Variants in SGCD observed in about 807,000 individuals in gnomAD.
SGCD encodes delta-sarcoglycan.
A neutral mutation model predicts 36.6 loss-of-function variants in SGCD; 18 were observed. The observed-to-expected ratio is 0.49, with a 90% CI of 0.34 to 0.73. The LOEUF is 0.73. SGCD is among the 30% of genes least tolerant of loss of function. SGCD has a pLI of 0.01. For missense variants in SGCD, 387 were observed against 346.7 expected, an observed-to-expected ratio of 1.12 and a Z score of -0.92; for synonymous variants, 133 against 130.6, an observed-to-expected ratio of 1.02 and a Z score of -0.12.
At chr5:156,070,218 A>G (rs2127587233) in intron 1 of SGCD, among the ~76,000 whole-genome samples, 1 of 151,396 alleles carries the variant, frequency 6.6e-6, no homozygotes, top group Admixed American at 6.5e-5. Context: ...CAGTTTTCAA[A>G]GGGAACGCTT....
chr5:156,544,270 A>G (rs968515125), intron 4 of SGCD, among the ~76,000 whole-genome samples: 2 of 152,208 alleles, frequency 1.3e-5, no homozygotes, highest in Non-Finnish European at 2.9e-5. Context: ...TCTAATGCTC[A>G]GTTCTGTGAG....
chr5:155,850,633 G>A, the SGCD span, among the ~76,000 whole-genome samples: 1 of 152,162 alleles, frequency 6.6e-6, no homozygotes, highest in East Asian at 1.9e-4. Context: ...ACAAACATTT[G>A]CTGAGTGATT....
rs140484402 is a variant in SGCD at position 156,200,707 on chromosome 5, C to T, written c.-44+76688C>T. ...CCTCAAAAAGCCAAATATTTAATTACCATGTTATGATTCAGCAATCCCACT... is the reference window on the plus strand; with the variant it reads ...CCTCAAAAAGCCAAATATTTAATTATCATGTTATGATTCAGCAATCCCACT... On this transcript the variant is annotated intron_variant, in intron 3 of 9. Transcript: ENST00000517913. Among the ~76,000 whole-genome samples, 21 of 152,206 alleles carry T rather than the reference C, an allele frequency of 1.4e-4. No individual in the cohort carries two copies. The South Asian group carries it at 2.1e-3, about 15-fold the overall frequency.
At chr5:156,574,309 C>T (rs1323593049) in intron 4 of SGCD, among the ~76,000 whole-genome samples, 1 of 152,178 alleles carries the variant, frequency 6.6e-6, no homozygotes, top group African/African-American at 2.4e-5. Flanking sequence ...AGCTTAGCAA[C>T]CATCAGTGCC....
intron 6 of SGCD, among the ~76,000 whole-genome samples, chr5:156,628,165 C>A (rs546214683): frequency 1.8e-4 from 28 of 152,222 alleles, no homozygotes; most frequent in African/African-American, 6.7e-4. Flanking sequence ...ATGACCAGAT[C>A]TCACAGGAAC....
intron 1 of SGCD, among the ~76,000 whole-genome samples, chr5:155,957,468 G>T (rs900558921): frequency 2.0e-5 from 3 of 152,064 alleles, no homozygotes; most frequent in African/African-American, 7.2e-5. Flanking sequence ...CATCTAAAAT[G>T]GGTTTCACTG....
intron 4 of SGCD, among the ~76,000 whole-genome samples, chr5:156,560,054 C>T (rs992575527): frequency 6.6e-6 from 1 of 152,266 alleles, no homozygotes; most frequent in East Asian, 1.9e-4. Flanking sequence ...TGTAAGTATG[C>T]ATTGCCATGG....
intron 7 of SGCD, among the ~76,000 whole-genome samples, chr5:156,687,992 G>A (rs1753967999): frequency 1.3e-5 from 2 of 152,128 alleles, no homozygotes; most frequent in Non-Finnish European, 2.9e-5. Flanking sequence ...CCCAACAGAT[G>A]TACTCACACC....
intron 1 of SGCD, among the ~76,000 whole-genome samples, chr5:155,925,913 C>A (rs901976051): frequency 6.7e-6 from 1 of 149,620 alleles, no homozygotes; most frequent in Admixed American, 7.1e-5. Context: ...CACCACCACA[C>A]CTGGCAACTT....
intron 1 of SGCD, among the ~76,000 whole-genome samples, chr5:156,111,232 C>T (rs182201865): frequency 5.3e-5 from 8 of 152,148 alleles, no homozygotes; most frequent in Admixed American, 3.9e-4. Flanking sequence ...GGCACTAAGA[C>T]GAGACAGAGA....
chr5:156,332,441 T>C (rs1216187905), intron 2 of SGCD, among the ~76,000 whole-genome samples: 1 of 152,208 alleles, frequency 6.6e-6, no homozygotes, highest in Non-Finnish European at 1.5e-5. Flanking sequence ...GCCTACCTCA[T>C]TCATTGACCC....
At chr5:156,015,854 T>TTA (rs1758963800) in intron 1 of SGCD, among the ~76,000 whole-genome samples, 1 of 149,972 alleles carries the variant, frequency 6.7e-6, no homozygotes, top group African/African-American at 2.4e-5. Flanking sequence ...ATGAATGAAA[T>TTA]TATATATATA....
intron 6 of SGCD, among the ~76,000 whole-genome samples, chr5:156,624,421 AAT>A (rs1448968105): frequency 1.3e-5 from 2 of 152,080 alleles, no homozygotes; most frequent in Non-Finnish European, 2.9e-5. Flanking sequence ...CTGTACTAAA[AAT>A]ACAAAAAATT....
intron 3 of SGCD, among the ~76,000 whole-genome samples, chr5:156,376,394 T>A (rs1484975298): frequency 6.6e-6 from 1 of 152,212 alleles, no homozygotes; most frequent in Non-Finnish European, 1.5e-5. Context: ...GTGCTAACCC[T>A]GGTTGGGTAA....
chr5:155,978,078 G>C (rs575801325), intron 1 of SGCD, among the ~76,000 whole-genome samples: 1 of 151,312 alleles, frequency 6.6e-6, no homozygotes, highest in East Asian at 1.9e-4. Flanking sequence ...TGGAGACAGA[G>C]CAAGACTCTG....
At chr5:156,558,047 A>C (rs1191066208) in intron 4 of SGCD, among the ~76,000 whole-genome samples, 1 of 145,242 alleles carries the variant, frequency 6.9e-6, no homozygotes, top group South Asian at 2.2e-4. Flanking sequence ...AAAATGTTGA[A>C]TGAGTGAATT....
At chr5:155,947,367 G>A (rs1269091138) in intron 1 of SGCD, among the ~76,000 whole-genome samples, 8 of 147,418 alleles carry the variant, frequency 5.4e-5, no homozygotes, top group South Asian at 4.4e-4. Flanking sequence ...TTATTATTAA[G>A]ATCTTGGAAA....
At chr5:155,890,908 C>T (rs1445095969) in intron 1 of SGCD, among the ~76,000 whole-genome samples, 4 of 152,078 alleles carry the variant, frequency 2.6e-5, no homozygotes, top group Non-Finnish European at 5.9e-5. Flanking sequence ...AGGTCATATG[C>T]CCATACTGCT....
At chr5:156,316,496 A>G (rs1366549883) in intron 3 of SGCD, among the ~76,000 whole-genome samples, 1 of 151,946 alleles carries the variant, frequency 6.6e-6, no homozygotes, top group African/African-American at 2.4e-5. Context: ...AATAACTAAA[A>G]CAATCTTGAG....
Sources: gnomAD v4.1 joint callset for allele counts (sites outside exome capture counted in the v4.1 genomes callset) on GRCh38, gnomAD v4.1.1 for gene constraint, MANE v1.5 for transcripts, NCBI Gene and HGNC (gene_info 2026-07-23, HGNC 2026-07-21) for gene names.